NDUFB2: variants seen among roughly 807,000 people sequenced by gnomAD.
The protein encoded by NDUFB2 is NADH dehydrogenase [ubiquinone] 1 beta subcomplex subunit 2, mitochondrial.
NDUFB2 carries 13 observed loss-of-function variants against 13.4 expected under a neutral mutation model. That is an observed-to-expected ratio of 0.97 (90% CI 0.63 to 1.54). The LOEUF (loss-of-function observed/expected upper bound fraction) is 1.54. Among genes scored for constraint, NDUFB2 ranks in the 40% most tolerant of loss-of-function variants. The pLI is 0.00. For synonymous variants in NDUFB2, 47 were observed against 50.6 expected, an observed-to-expected ratio of 0.93 and a Z score of 0.30; for missense variants, 150 against 139.7, an observed-to-expected ratio of 1.07 and a Z score of -0.37.
rs1450817736 is a variant in NDUFB2 at position 140,696,861 on chromosome 7, A to C, written c.98+19A>C. On this transcript the variant is annotated intron_variant, in intron 1 of 3. Transcript: ENST00000247866. ...TCCGTCAGTGAGTGTGGGGCTGGGGATGGGGGCCTCGCCGGCCTGTAGCGG... is the reference window on the plus strand; with the variant it reads ...TCCGTCAGTGAGTGTGGGGCTGGGGCTGGGGGCCTCGCCGGCCTGTAGCGG... 9.4e-6 allele frequency: 15 copies of C among 1,587,578 alleles called. No individual in the cohort carries two copies. Among genetic ancestry groups the C allele is most frequent in the Middle Eastern group, 1.7e-4 (1 of 5,884 alleles).
intron 1 of NDUFB2, among the ~76,000 whole-genome samples, chr7:140,697,752 T>C (rs1228994936): frequency 1.3e-5 from 2 of 152,082 alleles, no homozygotes; most frequent in African/African-American, 4.8e-5. Context: ...CTTGGAAAAG[T>C]TTCTTATTCT....
rs988029350 is a variant in NDUFB2 at position 140,696,839 on chromosome 7, G to A, written c.95G>A (p.Arg32His). The A allele has an allele frequency of 1.1e-5, 18 of 1,603,118 alleles. No individual in the cohort carries two copies. Among genetic ancestry groups the A allele is most frequent in the African/African-American group, 2.7e-5 (2 of 74,668 alleles). The change falls in exon 1 of 4, where the codon CGT becomes CAT. Residue 32 changes from arginine (R) to histidine (H), a missense_variant. Arg to His is a conservative substitution (Grantham distance 29). Coordinates refer to ENST00000247866, the MANE Select transcript of NDUFB2 (RefSeq NM_004546.3). ...CARTAGDGGV[R>H]HAGGGVHIEP... ...CGGACTGCTGGAGATGGTGGAGTCC[G>A]TCAGTGAGTGTGGGGCTGGGGATGG...
At chr7:140,697,144 G>C (rs904699218) in intron 1 of NDUFB2, 1 of 591,134 alleles carries the variant, frequency 1.7e-6, no homozygotes, top group African/African-American at 1.9e-5. Context: ...GTCGGCGCCG[G>C]CGCGGGCGGT....
intron 1 of NDUFB2, chr7:140,701,726 A>G (rs999724370): frequency 4.7e-6 from 1 of 213,948 alleles, no homozygotes; most frequent in African/African-American, 2.3e-5. Context: ...TAAGGTCAGG[A>G]GTTCGAGACC....
chr7:140,701,805 G>A (rs773361993), intron 1 of NDUFB2: 59 of 371,084 alleles, frequency 1.6e-4, no homozygotes, highest in East Asian at 5.8e-4. Context: ...GCATGGTGGC[G>A]TACACCTGTA....
At chr7:140,698,932 C>T (rs980632573) in intron 1 of NDUFB2, among the ~76,000 whole-genome samples, 146 of 152,162 alleles carry the variant, frequency 9.6e-4, no homozygotes, top group Middle Eastern at 6.8e-3. Context: ...CTGAGGCGGG[C>T]GGATCACCTG....
At chr7:140,706,161 G>T (rs1172232428) in intron 3 of NDUFB2, 1 of 151,826 alleles carries the variant, frequency 6.6e-6, no homozygotes, top group African/African-American at 2.4e-5. Flanking sequence ...CGTGATCATG[G>T]CTCACTGTAA....
intron 1 of NDUFB2, chr7:140,697,531 C>A (rs1585861731): frequency 3.1e-6 from 2 of 650,366 alleles, no homozygotes; most frequent in East Asian, 5.4e-5. Flanking sequence ...GGAGCGGGTG[C>A]GAGGTAGGGA....
At chr7:140,699,629 G>T (rs1246738428) in intron 1 of NDUFB2, among the ~76,000 whole-genome samples, 1 of 151,878 alleles carries the variant, frequency 6.6e-6, no homozygotes, top group Admixed American at 6.6e-5. Flanking sequence ...GTGGGCCCCA[G>T]GCTGCGTCTC....
rs1794816217 is a variant in NDUFB2 at position 140,696,912 on chromosome 7, C to T, written c.98+70C>T. 3.5e-6 allele frequency: 5 copies of T among 1,419,500 alleles called. No individual in the cohort carries two copies. The South Asian group carries it at 4.9e-5, about 14-fold the overall frequency. 87.9% of individuals were successfully genotyped at this position (1,419,500 alleles called of 1,614,324 possible). A position where few individuals can be genotyped will look rare whatever the true frequency, so the allele number is the denominator to read the frequency against. Reference sequence around the variant, plus strand: ...ACAGCGCGGGTCCCTGGGACGCTCTCACCTTGACTGGGGCGCCTGAAGAGG... The same window carrying T: ...ACAGCGCGGGTCCCTGGGACGCTCTTACCTTGACTGGGGCGCCTGAAGAGG... On this transcript the variant is annotated intron_variant, in intron 1 of 3. Transcript: ENST00000247866.
intron 2 of NDUFB2, among the ~76,000 whole-genome samples, chr7:140,703,388 C>G (rs1794924918): frequency 6.6e-6 from 1 of 151,074 alleles, no homozygotes; most frequent in African/African-American, 2.4e-5. Context: ...GACTCTGGTG[C>G]CTCAGTCCCT....
intron 3 of NDUFB2, chr7:140,706,013 ATTTTAT>A (rs967879007): frequency 2.2e-5 from 3 of 137,282 alleles, no homozygotes; most frequent in African/African-American, 3.4e-5. Flanking sequence ...ATTTTATTTT[ATTTTAT>A]TTTATTTTAG....
chr7:140,702,711 AAG>A (rs1340450270), intron 1 of NDUFB2, 153 bp from the exon 2 acceptor site: 3 of 878,548 alleles, frequency 3.4e-6, no homozygotes, highest in Non-Finnish European at 5.0e-6. Flanking sequence ...GCTTAGTAAA[AAG>A]TGAGTATTTC....
chr7:140,700,999 A>G (rs1490693067), intron 1 of NDUFB2: 5 of 152,238 alleles, frequency 3.3e-5, no homozygotes, highest in Admixed American at 6.5e-5. Flanking sequence ...AAGTACATAT[A>G]TACACACATC....
intron 1 of NDUFB2, among the ~76,000 whole-genome samples, chr7:140,697,775 G>A (rs1487952850): frequency 6.6e-6 from 1 of 152,182 alleles, no homozygotes; most frequent in Non-Finnish European, 1.5e-5. Flanking sequence ...TAATGCCTCA[G>A]TTTCCTCACC....
In NDUFB2 at chr7:140,696,725, C is replaced by T. The variant is rs975827102; in HGVS notation, c.-20C>T. 8.9e-6 allele frequency: 14 copies of T among 1,567,986 alleles called. No homozygotes were observed. The highest frequency in any genetic ancestry group is 2.0e-4 in the Middle Eastern group (1 of 4,906). On this transcript the variant is annotated 5_prime_UTR_variant, in exon 1 of 4. Coordinates refer to ENST00000247866, the MANE Select transcript of NDUFB2 (RefSeq NM_004546.3). ...GCAGGGGCGAGGCGGCTGGGGACCGCGGGGCGGACGGGAGCGAGTATGTCC... is the reference window on the plus strand; with the variant it reads ...GCAGGGGCGAGGCGGCTGGGGACCGTGGGGCGGACGGGAGCGAGTATGTCC...
At chr7:140,704,442 G>C (rs1794938835) in intron 2 of NDUFB2, among the ~76,000 whole-genome samples, 1 of 152,202 alleles carries the variant, frequency 6.6e-6, no homozygotes, top group African/African-American at 2.4e-5. Flanking sequence ...GATGCAGCCA[G>C]ATAAGCCCTT....
intron 1 of NDUFB2, chr7:140,697,488 A>G (rs1794830598): frequency 8.7e-6 from 6 of 691,104 alleles, no homozygotes; most frequent in South Asian, 7.5e-5. Context: ...CGAGACGCAG[A>G]CCGGAGGGCG....
chr7:140,702,734 G>T, intron 1 of NDUFB2, 132 bp from the exon 2 acceptor site: 1 of 1,070,096 alleles, frequency 9.3e-7, no homozygotes, highest in South Asian at 2.0e-5. Context: ...AAGGGATTGT[G>T]AACTTCTGTC....
Sources: allele counts gnomAD v4.1 joint callset (sites outside exome capture counted in the v4.1 genomes callset), GRCh38; gene constraint gnomAD v4.1.1; transcripts MANE v1.5; gene names NCBI Gene and HGNC (gene_info 2026-07-23, HGNC 2026-07-21).